The following KLHL1 variants were observed in gnomAD, a reference collection of about 807,000 sequenced individuals.
KLHL1 encodes kelch-like protein 1.
A neutral mutation model predicts 77.7 loss-of-function variants in KLHL1; 47 were observed. The observed-to-expected ratio is 0.60, with a 90% CI of 0.48 to 0.77. The LOEUF is 0.77. Among genes scored for constraint, KLHL1 ranks in the 30% least tolerant of loss-of-function variants. The pLI is 0.00. For synonymous variants in KLHL1, 360 were observed against 325.2 expected (o/e 1.11, Z -1.15); for missense variants, 925 against 910.8 (o/e 1.02, Z -0.20).
intron 1 of KLHL1, among the ~76,000 whole-genome samples, chr13:70,033,896 C>T (rs186534339): frequency 6.6e-6 from 1 of 152,060 alleles, no homozygotes; most frequent in South Asian, 2.1e-4. Context: ...CAGGCGTTAG[C>T]CACTGCACCT....
intron 1 of KLHL1, among the ~76,000 whole-genome samples, chr13:70,059,445 T>A (rs569700231): frequency 2.2e-4 from 33 of 152,270 alleles, no homozygotes; most frequent in African/African-American, 7.9e-4. Flanking sequence ...GGTGAGATTA[T>A]GAGCATGAGC....
At chr13:69,945,883 A>C (rs2137246781) in intron 3 of KLHL1, among the ~76,000 whole-genome samples, 1 of 152,338 alleles carries the variant, frequency 6.6e-6, no homozygotes, top group East Asian at 1.9e-4. Flanking sequence ...ATGTTTGCAG[A>C]AAATTTATTT....
chr13:70,038,821 C>A (rs983511416), intron 1 of KLHL1, among the ~76,000 whole-genome samples: 1 of 151,824 alleles, frequency 6.6e-6, no homozygotes, highest in African/African-American at 2.4e-5. Context: ...AAACTCCTGA[C>A]CTCAGGTGAT....
chr13:70,074,773 A>C (rs918283330), intron 1 of KLHL1, among the ~76,000 whole-genome samples: 1 of 151,920 alleles, frequency 6.6e-6, no homozygotes, highest in Non-Finnish European at 1.5e-5. Context: ...TGTTGATCAT[A>C]GCCAGTACAA....
At chr13:69,964,970 A>C (rs1252180293) in intron 2 of KLHL1, among the ~76,000 whole-genome samples, 2 of 152,176 alleles carry the variant, frequency 1.3e-5, no homozygotes, top group African/African-American at 4.8e-5. Flanking sequence ...CCACAAAAAA[A>C]AATACAGGCT....
At chr13:69,982,787 A>G (rs1012903561) in intron 1 of KLHL1, among the ~76,000 whole-genome samples, 1 of 152,064 alleles carries the variant, frequency 6.6e-6, no homozygotes, top group Non-Finnish European at 1.5e-5. Flanking sequence ...AAGAAAATAC[A>G]AAGAGGGTCA....
intron 4 of KLHL1, among the ~76,000 whole-genome samples, chr13:69,924,317 T>G (rs982636621): frequency 6.6e-6 from 1 of 152,190 alleles, no homozygotes; most frequent in Non-Finnish European, 1.5e-5. Flanking sequence ...GGGAACTTAC[T>G]GTGCTTTTTC....
intron 1 of KLHL1, 121 bp downstream of exon 1, chr13:70,107,082 G>A: frequency 1.4e-6 from 2 of 1,400,112 alleles, no homozygotes; most frequent in Non-Finnish European, 1.9e-6. Flanking sequence ...AAACCAGGGT[G>A]GCATCTCTTA....
At chr13:70,027,132 T>C (rs1230664749) in intron 1 of KLHL1, among the ~76,000 whole-genome samples, 2 of 152,076 alleles carry the variant, frequency 1.3e-5, no homozygotes, top group African/African-American at 2.4e-5. Context: ...AATAGAATGA[T>C]TTAGGATTTT....
chr13:69,727,229 A>C (rs1004994293), intron 8 of KLHL1, among the ~76,000 whole-genome samples: 2 of 152,160 alleles, frequency 1.3e-5, no homozygotes, highest in Non-Finnish European at 2.9e-5. Flanking sequence ...ACATTTCTTG[A>C]CACTATTGTT....
chr13:69,881,535 T>C (rs1440986646), intron 5 of KLHL1, among the ~76,000 whole-genome samples: 1 of 152,148 alleles, frequency 6.6e-6, no homozygotes, highest in African/African-American at 2.4e-5. Flanking sequence ...TTGGATAACT[T>C]TACCAGCCAG....
intron 7 of KLHL1, among the ~76,000 whole-genome samples, chr13:69,768,272 G>A (rs1875401972): frequency 6.6e-6 from 1 of 152,122 alleles, no homozygotes; most frequent in Admixed American, 6.5e-5. Context: ...AGAGTATGGA[G>A]TATGTGTCTT....
intron 6 of KLHL1, among the ~76,000 whole-genome samples, chr13:69,821,742 T>C (rs574148802): frequency 7.4e-4 from 113 of 152,292 alleles, no homozygotes; most frequent in Non-Finnish European, 1.2e-3. Flanking sequence ...ATCAACACTG[T>C]CCCCTCATTT....
At chr13:69,870,053 A>T (rs1880521138) in intron 5 of KLHL1, among the ~76,000 whole-genome samples, 1 of 152,154 alleles carries the variant, frequency 6.6e-6, no homozygotes, top group South Asian at 2.1e-4. Context: ...TATGCTTTTA[A>T]GATGGGGAGG....
intron 3 of KLHL1, among the ~76,000 whole-genome samples, chr13:69,950,938 C>T (rs1341970995): frequency 6.6e-6 from 1 of 151,506 alleles, no homozygotes; most frequent in Non-Finnish European, 1.5e-5. Context: ...CTGAAGATGT[C>T]TAAAGCAGCT....
chr13:70,046,358 A>C (rs1886495133), intron 1 of KLHL1, among the ~76,000 whole-genome samples: 1 of 152,240 alleles, frequency 6.6e-6, no homozygotes. Flanking sequence ...CCAACTTTAC[A>C]AGTGAAGAAC....
intron 5 of KLHL1, among the ~76,000 whole-genome samples, chr13:69,852,135 C>T (rs889067695): frequency 1.3e-5 from 2 of 151,886 alleles, no homozygotes; most frequent in African/African-American, 4.8e-5. Flanking sequence ...TAAGCACGCA[C>T]AGCCTTAGAC....
Sources: gnomAD v4.1 joint callset for allele counts (sites outside exome capture counted in the v4.1 genomes callset) on GRCh38, gnomAD v4.1.1 for gene constraint, MANE v1.5 for transcripts, NCBI Gene and HGNC (gene_info 2026-07-23, HGNC 2026-07-21) for gene names.